The following FER1L6 variants were observed in gnomAD, a reference collection of about 807,000 sequenced individuals.
FER1L6 encodes the protein fer-1-like protein 6.
FER1L6 carries 177 observed loss-of-function variants against 219.2 expected under a neutral mutation model. The ratio of observed to expected loss-of-function variants is 0.81; its 90% CI spans 0.71 to 0.91. The LOEUF (loss-of-function observed/expected upper bound fraction) is 0.91, where lower values mean the gene tolerates loss of function less well. FER1L6 is among the 40% of genes least tolerant of loss of function. The pLI is 0.00. For synonymous variants in FER1L6, 768 were observed against 824.3 expected, an observed-to-expected ratio of 0.93 and a Z score of 1.17; for missense variants, 2,153 against 2,259.9, an observed-to-expected ratio of 0.95 and a Z score of 0.96.
chr8:124,064,250 T>C, intron 25 of FER1L6, 97 bp from the exon 26 acceptor site: 1 of 951,618 alleles, frequency 1.1e-6, no homozygotes, highest in Non-Finnish European at 1.7e-6. Context: ...ACCTGACGTA[T>C]TTGAATCCGA....
chr8:124,078,764 G>A (rs1487986037), intron 32 of FER1L6, among the ~76,000 whole-genome samples: 1 of 152,198 alleles, frequency 6.6e-6, no homozygotes, highest in Non-Finnish European at 1.5e-5. Context: ...AGTCCAGAGT[G>A]TAGGGAGGAC....
chr8:124,025,053 A>AT (rs139829496), intron 18 of FER1L6, among the ~76,000 whole-genome samples: 9,793 of 151,482 alleles, frequency 0.065, 908 homozygotes, highest in African/African-American at 0.21. Context: ...TAATGGAATT[A>AT]TTTTTTTATG....
intron 18 of FER1L6, among the ~76,000 whole-genome samples, chr8:124,024,684 C>T (rs1282134972): frequency 2.0e-5 from 3 of 152,018 alleles, no homozygotes; most frequent in Admixed American, 2.0e-4. Flanking sequence ...GTGCTGGTGT[C>T]TTTTTGATCT....
intron 1 of FER1L6, among the ~76,000 whole-genome samples, chr8:123,919,568 G>A (rs1353575559): frequency 6.6e-6 from 1 of 152,212 alleles, no homozygotes; most frequent in Non-Finnish European, 1.5e-5. Flanking sequence ...AGTACCTTGG[G>A]AACAGTAAGC....
intron 1 of FER1L6, among the ~76,000 whole-genome samples, chr8:123,952,356 G>A (rs1197193406): frequency 6.6e-6 from 1 of 152,222 alleles, no homozygotes; most frequent in Non-Finnish European, 1.5e-5. Context: ...TAAACACTGA[G>A]TGATGCCACC....
At position 123,976,034 on chromosome 8, in the gene FER1L6, A is replaced by C. The variant is rs771153224; in HGVS notation, c.820A>C (p.Ser274Arg). The C allele has an allele frequency of 3.0e-5, 48 of 1,613,978 alleles. No individual in the cohort carries two copies. In the African/African-American group the frequency reaches 3.2e-4, roughly 11 times the overall value. ...ANVTKAFVGD[S>R]KDLVDPFVEV... ...CGTCACCAAGGCATTTGTGGGTGAC[A>C]GTAAGGACCTGGTGGATCCCTTTGT... Residue 274 changes from serine (S) to arginine (R), a missense_variant, in exon 9 of 41, where the codon AGT (serine) becomes CGT (arginine). Physicochemically the swap from Ser to Arg is moderately radical, Grantham distance 110. Coordinates refer to ENST00000522917, the MANE Select transcript of FER1L6 (RefSeq NM_001039112.2).
chr8:124,074,911 G>A (rs954769383), intron 31 of FER1L6, among the ~76,000 whole-genome samples: 2 of 152,024 alleles, frequency 1.3e-5, no homozygotes, highest in African/African-American at 4.8e-5. Context: ...AACATAGAAA[G>A]GTACAGTAAA....
At chr8:123,992,607 G>T (rs1441140524) in intron 12 of FER1L6, among the ~76,000 whole-genome samples, 2 of 151,562 alleles carry the variant, frequency 1.3e-5, no homozygotes, top group Admixed American at 6.6e-5. Context: ...TTCTTTTCTT[G>T]GTTAATATAG....
chr8:124,034,331 G>C (rs1034522831), intron 18 of FER1L6, among the ~76,000 whole-genome samples: 5 of 152,252 alleles, frequency 3.3e-5, no homozygotes, highest in African/African-American at 7.2e-5. Context: ...ACTCCTTAGA[G>C]GGGTAAGGGA....
intron 14 of FER1L6, among the ~76,000 whole-genome samples, chr8:124,012,437 C>A (rs896150190): frequency 6.6e-6 from 1 of 152,212 alleles, no homozygotes; most frequent in Non-Finnish European, 1.5e-5. Flanking sequence ...GCCATAGTGA[C>A]ATTCATTTCT....
chr8:123,902,232 G>C (rs922644864), intron 1 of FER1L6, among the ~76,000 whole-genome samples: 1 of 152,080 alleles, frequency 6.6e-6, no homozygotes, highest in African/African-American at 2.4e-5. Flanking sequence ...CTATCACATG[G>C]TCTGTCTTGG....
intron 18 of FER1L6, 47 bp from the exon 19 acceptor site, chr8:124,035,227 TATA>T (rs1452905203): frequency 6.3e-7 from 1 of 1,575,446 alleles, no homozygotes; most frequent in Non-Finnish European, 8.6e-7. Context: ...AGGGGAGGCC[TATA>T]ATTATCTCCT....
chr8:123,979,682 G>C (rs1816236796), intron 10 of FER1L6, among the ~76,000 whole-genome samples: 1 of 152,136 alleles, frequency 6.6e-6, no homozygotes, highest in Non-Finnish European at 1.5e-5. Flanking sequence ...ATTTACCTAT[G>C]TCAGTCTCCA....
rs140813316 is a variant in FER1L6 at position 123,889,757 on chromosome 8, C to T, written c.-8+37572C>T. On this transcript the variant is annotated intron_variant, in intron 1 of 40. Transcript: ENST00000522917. ...GGTTATTTATGACAGAAGAAAGGAACCAGGAAGCAGAGGAGGGAGAGATGT... is the reference window on the plus strand; with the variant it reads ...GGTTATTTATGACAGAAGAAAGGAATCAGGAAGCAGAGGAGGGAGAGATGT... Among the ~76,000 whole-genome samples, 1,360 of 151,744 alleles carry T rather than the reference C, an allele frequency of 9.0e-3. 15 individuals are homozygous for T. Among genetic ancestry groups the T allele is most frequent in the Non-Finnish European group, 0.014 (982 of 67,850 alleles).
At chr8:123,916,398 T>A (rs1262066199) in intron 1 of FER1L6, among the ~76,000 whole-genome samples, 1 of 152,164 alleles carries the variant, frequency 6.6e-6, no homozygotes, top group Non-Finnish European at 1.5e-5. Flanking sequence ...TCTCATGGAT[T>A]TTTTGAGCTT....
At chr8:123,906,454 A>C (rs1181573956) in intron 1 of FER1L6, among the ~76,000 whole-genome samples, 1 of 152,118 alleles carries the variant, frequency 6.6e-6, no homozygotes, top group Non-Finnish European at 1.5e-5. Flanking sequence ...TCCCATGTTT[A>C]GTGTTTGACA....
intron 18 of FER1L6, among the ~76,000 whole-genome samples, chr8:124,028,523 G>A (rs1292238091): frequency 6.6e-6 from 1 of 151,686 alleles, no homozygotes; most frequent in Non-Finnish European, 1.5e-5. Flanking sequence ...CTGGGAAATA[G>A]GAAGTGAAGG....
intron 1 of FER1L6, among the ~76,000 whole-genome samples, chr8:123,898,797 A>G (rs374866720): frequency 0.31 from 44,407 of 142,806 alleles, 7,660 homozygotes; most frequent in Middle Eastern, 0.4. Flanking sequence ...ACATATATAC[A>G]TATATACACA....
chr8:123,916,351 G>A (rs1002358983), intron 1 of FER1L6, among the ~76,000 whole-genome samples: 7 of 152,216 alleles, frequency 4.6e-5, no homozygotes, highest in Non-Finnish European at 7.3e-5. Context: ...ATGTATTCGG[G>A]ATGCTGGCTC....
Sources: gnomAD v4.1 joint callset for allele counts (sites outside exome capture counted in the v4.1 genomes callset) on GRCh38, gnomAD v4.1.1 for gene constraint, MANE v1.5 for transcripts, NCBI Gene and HGNC (gene_info 2026-07-23, HGNC 2026-07-21) for gene names.